Variants in LEKR1 observed in about 807,000 individuals in gnomAD.
LEKR1 encodes leucine, glutamate and lysine rich 1.
LEKR1 carries 59 observed loss-of-function variants against 72.4 expected under a neutral mutation model. The ratio of observed to expected loss-of-function variants is 0.82; its 90% confidence interval spans 0.66 to 1.01. The LOEUF (loss-of-function observed/expected upper bound fraction) is 1.01. LEKR1 is among the 50% of genes least tolerant of loss of function. The pLI is 0.00. For missense variants in LEKR1, 728 were observed against 759.2 expected (o/e 0.96, Z 0.48); for synonymous variants, 257 against 263.2 (o/e 0.98, Z 0.23).
At chr3:156,980,292 C>A (rs930299125) in intron 7 of LEKR1, among the ~76,000 whole-genome samples, 2 of 151,944 alleles carry the variant, frequency 1.3e-5, no homozygotes, top group Non-Finnish European at 2.9e-5. Context: ...ATACTGAACA[C>A]AAGAAGGAAC....
chr3:156,957,936 G>T (rs1405997608), intron 6 of LEKR1, among the ~76,000 whole-genome samples: 1 of 151,980 alleles, frequency 6.6e-6, no homozygotes, highest in African/African-American at 2.4e-5. Flanking sequence ...CTAAATTAGG[G>T]TTTCATTTTT....
At chr3:156,826,820 C>T (rs1246877991) in intron 1 of LEKR1, 1 of 155,500 alleles carries the variant, frequency 6.4e-6, no homozygotes, top group Non-Finnish European at 1.5e-5. Context: ...CCCTGACCTG[C>T]TCGTTGTGGG....
rs570648567 is a variant in LEKR1, at chr3:156,893,584, T to C, written c.264-26991T>C. On this transcript the variant is annotated intron_variant, in intron 3 of 12. Coordinates refer to ENST00000356539, the MANE Select transcript of LEKR1 (RefSeq NM_001004316.3). ...AGTAAGTGAGTTCTTCTGATCTAAT[T>C]GTTTAAAAGTGTGTGGCATCCCTCC... Among the ~76,000 whole-genome samples the C allele has an allele frequency of 8.5e-5, 13 of 152,190 alleles. No homozygotes were observed. The South Asian group carries it at 2.1e-3, about 24-fold the overall frequency.
chr3:156,874,379 A>G (rs1718317763), intron 3 of LEKR1, among the ~76,000 whole-genome samples: 1 of 152,060 alleles, frequency 6.6e-6, no homozygotes, highest in Non-Finnish European at 1.5e-5. Context: ...TATGCTTATC[A>G]GTCATTTGCA....
intron 6 of LEKR1, among the ~76,000 whole-genome samples, chr3:156,944,484 A>G (rs865893496): frequency 6.6e-6 from 1 of 151,692 alleles, no homozygotes; most frequent in Non-Finnish European, 1.5e-5. Context: ...CTGTTGTGTT[A>G]TCAAATACTA....
chr3:156,941,898 A>G (rs1418622516), intron 5 of LEKR1, among the ~76,000 whole-genome samples: 1 of 152,004 alleles, frequency 6.6e-6, no homozygotes, highest in Non-Finnish European at 1.5e-5. Flanking sequence ...AAATCTAAGT[A>G]GAGCTATAAA....
At chr3:156,925,067 A>C (rs1447311712) in intron 4 of LEKR1, 3 of 152,036 alleles carry the variant, frequency 2.0e-5, no homozygotes, top group Non-Finnish European at 4.4e-5. Flanking sequence ...TCAATTCATG[A>C]ATGTGGTATG....
rs63421861 is a variant in LEKR1 at position 156,856,001 on chromosome 3, CA to C, written c.263+3022del. On this transcript the variant is annotated intron_variant, in intron 3 of 12. Transcript: ENST00000356539. ...CTATGAAGACTTCATACAATGAAAG[CA>C]AAGGTATTCACTAAAGAGAAGTTAG... Among the ~76,000 whole-genome samples the C allele has an allele frequency of 3.3e-5, 5 of 151,860 alleles. No homozygotes were observed. The East Asian group carries it at 9.6e-4, about 29-fold the overall frequency.
At chr3:156,952,256 G>A (rs922521734) in intron 6 of LEKR1, among the ~76,000 whole-genome samples, 1 of 151,380 alleles carries the variant, frequency 6.6e-6, no homozygotes, top group African/African-American at 2.4e-5. Context: ...AGACTTTTTA[G>A]AACTAGAAGC....
At chr3:156,909,720 CA>C (rs2108567738) in intron 3 of LEKR1, among the ~76,000 whole-genome samples, 1 of 150,514 alleles carries the variant, frequency 6.6e-6, no homozygotes, top group African/African-American at 2.4e-5. Flanking sequence ...TGATCCTTTC[CA>C]TTTCTGTGAG....
chr3:156,846,250 T>C (rs1391516769), intron 2 of LEKR1, among the ~76,000 whole-genome samples: 1 of 152,202 alleles, frequency 6.6e-6, no homozygotes, highest in Non-Finnish European at 1.5e-5. Context: ...TAGATAATTA[T>C]GCCATCTCAA....
intron 2 of LEKR1, among the ~76,000 whole-genome samples, chr3:156,836,464 C>G (rs780928565): frequency 6.6e-6 from 1 of 152,152 alleles, no homozygotes; most frequent in African/African-American, 2.4e-5. Context: ...GCATAAAGAC[C>G]TTTAAAATAT....
intron 10 of LEKR1, chr3:157,017,733 T>C (rs951079170): frequency 3.3e-5 from 5 of 151,942 alleles, no homozygotes; most frequent in African/African-American, 9.7e-5. Flanking sequence ...GGTCAGGAGA[T>C]GGAGACCATC....
intron 10 of LEKR1, among the ~76,000 whole-genome samples, chr3:157,018,716 G>A (rs77665199): frequency 0.068 from 10,383 of 152,154 alleles, 503 homozygotes; most frequent in African/African-American, 0.13. Context: ...TATGATCTTG[G>A]TGAAGTTACT....
chr3:156,972,365 G>A (rs546046258), intron 6 of LEKR1, among the ~76,000 whole-genome samples: 1 of 152,052 alleles, frequency 6.6e-6, no homozygotes, highest in South Asian at 2.1e-4. Context: ...AGGGGGGAGG[G>A]ATAGCATTAG....
intron 12 of LEKR1, among the ~76,000 whole-genome samples, chr3:157,043,854 T>A (rs529164264): frequency 1.4e-4 from 22 of 152,344 alleles, no homozygotes; most frequent in Admixed American, 5.9e-4. Flanking sequence ...ATGATTTTTT[T>A]AAAATGTGTG....
chr3:156,826,798 GC>G (rs1390546917), intron 1 of LEKR1: 1 of 155,328 alleles, frequency 6.4e-6, no homozygotes, highest in Non-Finnish European at 1.5e-5. Context: ...GTGAACTCCC[GC>G]CTTCACCTGC....
At chr3:156,995,026 T>C (rs1731443583) in intron 9 of LEKR1, among the ~76,000 whole-genome samples, 1 of 152,252 alleles carries the variant, frequency 6.6e-6, no homozygotes, top group South Asian at 2.1e-4. Flanking sequence ...ATACACTGAA[T>C]ATTTGAAACA....
At chr3:156,966,274 A>G (rs1237480228) in intron 6 of LEKR1, among the ~76,000 whole-genome samples, 1 of 151,994 alleles carries the variant, frequency 6.6e-6, no homozygotes, top group African/African-American at 2.4e-5. Flanking sequence ...AGTGTTGGAA[A>G]TTGGGTGCAG....
Sources: allele counts gnomAD v4.1 joint callset (sites outside exome capture counted in the v4.1 genomes callset), GRCh38; gene constraint gnomAD v4.1.1; transcripts MANE v1.5; gene names NCBI Gene and HGNC (gene_info 2026-07-23, HGNC 2026-07-21).